Variants in SUGCT observed in about 807,000 individuals in gnomAD.
SUGCT encodes the protein succinyl-CoA:glutarate CoA-transferase.
A neutral mutation model predicts 55.0 loss-of-function variants in SUGCT; 41 were observed. That is an observed-to-expected ratio of 0.74 (90% confidence interval 0.58 to 0.97). The LOEUF (loss-of-function observed/expected upper bound fraction) is 0.97, where lower values mean the gene tolerates loss of function less well. SUGCT is among the 50% of genes least tolerant of loss of function. The pLI, the probability that SUGCT is intolerant of heterozygous loss-of-function variation, is 0.00. For missense variants in SUGCT, 568 were observed against 547.8 expected (o/e 1.04, Z -0.37); for synonymous variants, 187 against 200.4 (o/e 0.93, Z 0.56).
chr7:41,005,251 A>G, the SUGCT span, among the ~76,000 whole-genome samples: 2 of 152,142 alleles, frequency 1.3e-5, no homozygotes, highest in Non-Finnish European at 2.9e-5. Flanking sequence ...TTTCCCCCTC[A>G]GCTGAAGGTA....
chr7:40,817,430 G>A (rs1791732056), intron 13 of SUGCT, among the ~76,000 whole-genome samples: 1 of 152,158 alleles, frequency 6.6e-6, no homozygotes, highest in Non-Finnish European at 1.5e-5. Flanking sequence ...ACATACTGGA[G>A]AGAAGTTAAA....
At chr7:40,200,440 A>AG (rs905332382) in intron 6 of SUGCT, among the ~76,000 whole-genome samples, 7 of 151,642 alleles carry the variant, frequency 4.6e-5, no homozygotes, top group African/African-American at 1.2e-4. Flanking sequence ...TTTTTTTTTG[A>AG]GGGGGGTAAC....
chr7:40,493,035 A>G (rs1418898920), intron 11 of SUGCT, among the ~76,000 whole-genome samples: 1 of 152,210 alleles, frequency 6.6e-6, no homozygotes, highest in Non-Finnish European at 1.5e-5. Context: ...AGTGCAAAAA[A>G]TGAACAGTTT....
At chr7:40,472,567 A>G (rs1472236623) in intron 11 of SUGCT, among the ~76,000 whole-genome samples, 1 of 152,126 alleles carries the variant, frequency 6.6e-6, no homozygotes, top group Admixed American at 6.6e-5. Context: ...TAATGTGAAC[A>G]TCTCAGTAAT....
chr7:40,820,233 T>C (rs1345951354), intron 13 of SUGCT, among the ~76,000 whole-genome samples: 1 of 152,118 alleles, frequency 6.6e-6, no homozygotes, highest in Non-Finnish European at 1.5e-5. Context: ...CTTAGGATCG[T>C]CTTGACAATG....
At chr7:40,265,023 A>G (rs1233049323) in intron 7 of SUGCT, among the ~76,000 whole-genome samples, 1 of 152,220 alleles carries the variant, frequency 6.6e-6, no homozygotes, top group Non-Finnish European at 1.5e-5. Context: ...GACAACTGAG[A>G]AAAAAACTAA....
chr7:40,320,768 A>G (rs74450737), intron 9 of SUGCT, among the ~76,000 whole-genome samples: 2 of 32,736 alleles, frequency 6.1e-5, no homozygotes, highest in East Asian at 8.5e-4. Flanking sequence ...ATATAGTGGG[A>G]AAAAAATGGA....
chr7:40,496,357 A>G lies in SUGCT; in HGVS notation c.1060A>G (p.Asn354Asp). The G allele has an allele frequency of 1.2e-6, 2 of 1,612,876 alleles. No individual in the cohort carries two copies. Among genetic ancestry groups the G allele is most frequent in the Non-Finnish European group, 8.5e-7 (1 of 1,179,236 alleles). The change falls in exon 12 of 14, where the codon AAC becomes GAC. Residue 354 changes from asparagine to aspartate, a missense_variant. Asn to Asp is a conservative substitution (Grantham distance 23). Coordinates refer to ENST00000335693, the MANE Select transcript of SUGCT (RefSeq NM_001193313.2). ...TGGAGTCCCGTATGGCCCAATCAAC[A>G]ACATGAAGAATGTATTTGCAGAACC... ...GSGVPYGPIN[N>D]MKNVFAEPQV...
chr7:40,521,409 T>A (rs1216305028), intron 12 of SUGCT, among the ~76,000 whole-genome samples: 1 of 152,106 alleles, frequency 6.6e-6, no homozygotes. Flanking sequence ...AAAATTGGGC[T>A]ACACAATGGA....
intron 13 of SUGCT, among the ~76,000 whole-genome samples, chr7:40,786,011 A>G (rs1338449058): frequency 6.6e-6 from 1 of 152,184 alleles, no homozygotes; most frequent in Non-Finnish European, 1.5e-5. Flanking sequence ...AGGCAAGAGG[A>G]TTGCTTGAAC....
intron 12 of SUGCT, among the ~76,000 whole-genome samples, chr7:40,639,990 A>G (rs928328111): frequency 7.2e-5 from 11 of 152,218 alleles, no homozygotes; most frequent in African/African-American, 2.7e-4. Context: ...TTAGAAAGCT[A>G]TGAAGATTCA....
chr7:40,303,230 C>T (rs1794642320), intron 8 of SUGCT, among the ~76,000 whole-genome samples: 1 of 151,712 alleles, frequency 6.6e-6, no homozygotes, highest in Non-Finnish European at 1.5e-5. Flanking sequence ...GATGGGGTTT[C>T]ATCATGTTGA....
chr7:40,154,767 T>A (rs1365284287), intron 1 of SUGCT, among the ~76,000 whole-genome samples: 1 of 152,212 alleles, frequency 6.6e-6, no homozygotes, highest in Non-Finnish European at 1.5e-5. Context: ...TTGCTCAAAT[T>A]CTTTAACTCT....
chr7:40,225,999 A>G (rs183332786), intron 6 of SUGCT, among the ~76,000 whole-genome samples: 13 of 152,326 alleles, frequency 8.5e-5, no homozygotes, highest in Admixed American at 2.6e-4. Flanking sequence ...AGTACTCTGT[A>G]CATGTTGACT....
At chr7:40,309,678 C>G (rs913708129) in intron 8 of SUGCT, among the ~76,000 whole-genome samples, 1 of 152,040 alleles carries the variant, frequency 6.6e-6, no homozygotes, top group Non-Finnish European at 1.5e-5. Context: ...CCCTAAAACT[C>G]CTATTCTATT....
intron 12 of SUGCT, among the ~76,000 whole-genome samples, chr7:40,509,134 G>A (rs968754817): frequency 6.6e-6 from 1 of 152,070 alleles, no homozygotes; most frequent in East Asian, 1.9e-4. Flanking sequence ...ATCTTTCATA[G>A]GGCTTAGGAA....
At chr7:40,847,411 C>CTTTTTTTTT (rs981613426) in intron 13 of SUGCT, among the ~76,000 whole-genome samples, 38 of 75,384 alleles carry the variant, frequency 5.0e-4, no homozygotes, top group East Asian at 1.2e-3. Context: ...TTCTTTCTTT[C>CTTTTTTTTT]TTTTTTTTTT....
At chr7:40,672,543 G>GCTAGGATTTA (rs1801992300) in intron 12 of SUGCT, among the ~76,000 whole-genome samples, 1 of 152,164 alleles carries the variant, frequency 6.6e-6, no homozygotes, top group African/African-American at 2.4e-5. Flanking sequence ...ATGAGTGGTT[G>GCTAGGATTTA]CTAGGATTTA....
intron 13 of SUGCT, among the ~76,000 whole-genome samples, chr7:40,849,945 G>A (rs1793767628): frequency 6.6e-6 from 1 of 152,304 alleles, no homozygotes; most frequent in Middle Eastern, 3.4e-3. Context: ...TGTATTGACA[G>A]TGCCGTGAGT....
Sources: allele counts gnomAD v4.1 joint callset (sites outside exome capture counted in the v4.1 genomes callset), GRCh38; gene constraint gnomAD v4.1.1; transcripts MANE v1.5; gene names NCBI Gene and HGNC (gene_info 2026-07-23, HGNC 2026-07-21).